The following INIP variants were observed in gnomAD, a reference collection of about 807,000 sequenced individuals.
The protein encoded by INIP is SOSS complex subunit C.
Under a neutral mutation model 14.0 loss-of-function variants are expected in INIP, and 9 were observed. The ratio of observed to expected loss-of-function variants is 0.64; its 90% CI spans 0.39 to 1.12. The LOEUF (loss-of-function observed/expected upper bound fraction) is 1.12. Among genes scored for constraint, INIP ranks in the 50% most tolerant of loss-of-function variants. The pLI is 0.01. For missense variants in INIP, 78 were observed against 122.7 expected (o/e 0.64, Z 1.72); for synonymous variants, 37 against 41.5 (o/e 0.89, Z 0.41).
rs1231484464 is a variant in INIP, at chr9:112,687,608, T to C, written c.245A>G (p.Tyr82Cys). The C allele has an allele frequency of 6.3e-7, 1 of 1,593,026 alleles. No individual in the cohort carries two copies. The highest frequency in any genetic ancestry group is 8.6e-7 in the Non-Finnish European group (1 of 1,164,284). ...AAATGCAGAGTCTTGAGTGATGAAGTATCCAGATGAATGTGCATGAGCATG... is the reference window on the plus strand; with the variant it reads ...AAATGCAGAGTCTTGAGTGATGAAGCATCCAGATGAATGTGCATGAGCATG... ...LQHAHAHSSG[Y>C]FITQDSAFGN... The change falls in exon 5 of 5, where the codon TAC (tyrosine) becomes TGC (cysteine). Residue 82 changes from tyrosine to cysteine, a missense_variant. Tyr to Cys is a radical substitution (Grantham distance 194). Coordinates refer to ENST00000374242, the MANE Select transcript of INIP (RefSeq NM_021218.3).
In INIP at chr9:112,689,510, T is replaced by C. The variant is rs886941183; in HGVS notation, c.219+17A>G. On this transcript the variant is annotated intron_variant, in intron 4 of 4. Transcript: ENST00000374242. ...GGAAACCTCCACCGAGGCAAGAATG[T>C]CAGTTACACTGCTCACCTGCAAAGC... 1.2e-6 allele frequency: 2 copies of C among 1,607,222 alleles called. No homozygotes were observed. The highest frequency in any genetic ancestry group is 1.7e-6 in the Non-Finnish European group (2 of 1,174,190).
intron 2 of INIP, among the ~76,000 whole-genome samples, chr9:112,705,110 CAAA>C (rs1194911436): frequency 3.1e-3 from 143 of 46,010 alleles, no homozygotes; most frequent in African/African-American, 0.012. Context: ...GACCCTGTCT[CAAA>C]AAAAAAAAAA....
intron 2 of INIP, among the ~76,000 whole-genome samples, chr9:112,700,602 A>T (rs1407729087): frequency 6.7e-6 from 1 of 148,866 alleles, no homozygotes; most frequent in Non-Finnish European, 1.5e-5. Context: ...CATAACTACT[A>T]CAATTTTTAG....
At position 112,689,625 on chromosome 9, in the gene INIP, G is replaced by GGGAATCTTGGTTACTA; in HGVS notation, c.129-9_129-8insTAGTAACCAAGATTCC. ...GGTCTCGAGAGTGCAATGCTAAAAT[G>GGGAATCTTGGTTACTA]GGAATCTTGGTTACTCAGCTGCTTA... On this transcript the variant is annotated splice_polypyrimidine_tract_variant and intron_variant, in intron 3 of 4. Transcript: ENST00000374242. 6.2e-7 allele frequency: 1 copy of GGGAATCTTGGTTACTA among 1,608,746 alleles called. No individual in the cohort carries two copies. The highest frequency in any genetic ancestry group is 8.5e-7 in the Non-Finnish European group (1 of 1,175,162).
chr9:112,716,332 G>T (rs1376574959), intron 2 of INIP, 129 bp downstream of exon 2: 3 of 799,398 alleles, frequency 3.8e-6, no homozygotes, highest in Admixed American at 1.9e-5. Context: ...GTGAGCCACC[G>T]CTCCCGGCCT....
intron 3 of INIP, among the ~76,000 whole-genome samples, chr9:112,692,449 AATTTTTTGT>A (rs1837923315): frequency 6.6e-6 from 1 of 151,938 alleles, no homozygotes; most frequent in African/African-American, 2.4e-5. Context: ...ATGGCTAGCT[AATTTTTTGT>A]ATTTTTTGTA....
intron 2 of INIP, among the ~76,000 whole-genome samples, chr9:112,698,245 A>G (rs1588078736): frequency 7.1e-6 from 1 of 141,520 alleles, no homozygotes; most frequent in East Asian, 2.3e-4. Flanking sequence ...CGGAGGTTGC[A>G]GTGAGCCAAG....
chr9:112,700,523 TA>T (rs1389321544), intron 2 of INIP, among the ~76,000 whole-genome samples: 2 of 137,984 alleles, frequency 1.4e-5, no homozygotes, highest in African/African-American at 5.9e-5. Context: ...TAGGTATATA[TA>T]ATATATATAT....
rs149464188 is a variant in INIP, at chr9:112,701,042, C to T, written c.26-6809G>A. Among the ~76,000 whole-genome samples, 373 of 152,294 alleles carry T rather than the reference C, an allele frequency of 2.4e-3. 1 individual carries two copies. The highest frequency in any genetic ancestry group is 8.7e-3 in the African/African-American group (361 of 41,564). ...TTAATATGGTTATAAAAGCAGCCCA[C>T]TGGCCAGGAACGGTGGCTCATGCCT... On this transcript the variant is annotated intron_variant, in intron 2 of 4. Coordinates refer to ENST00000374242, the MANE Select transcript of INIP (RefSeq NM_021218.3).
chr9:112,697,878 T>C (rs552148638), intron 2 of INIP, among the ~76,000 whole-genome samples: 1 of 152,236 alleles, frequency 6.6e-6, no homozygotes, highest in African/African-American at 2.4e-5. Context: ...CAATGAAAAA[T>C]ACCTCCCAGT....
intron 2 of INIP, among the ~76,000 whole-genome samples, chr9:112,699,128 G>A (rs1218805003): frequency 6.6e-6 from 1 of 151,852 alleles, no homozygotes; most frequent in Non-Finnish European, 1.5e-5. Context: ...GATCAGCCTG[G>A]GCAACATAGC....
intron 2 of INIP, among the ~76,000 whole-genome samples, chr9:112,698,516 A>G (rs1490969788): frequency 6.6e-6 from 1 of 152,136 alleles, no homozygotes; most frequent in East Asian, 1.9e-4. Flanking sequence ...AACTTTGTCA[A>G]AATAATGTTA....
At chr9:112,701,347 G>T (rs1258865862) in intron 2 of INIP, among the ~76,000 whole-genome samples, 1 of 152,134 alleles carries the variant, frequency 6.6e-6, no homozygotes, top group Non-Finnish European at 1.5e-5. Context: ...GGAGAGTTAT[G>T]TTGTTCTCAT....
chr9:112,702,551 G>A (rs80333682), intron 2 of INIP, among the ~76,000 whole-genome samples: 2,815 of 152,058 alleles, frequency 0.019, 94 homozygotes, highest in African/African-American at 0.062. Flanking sequence ...TCCAAGTAAT[G>A]TAAGAATTTT....
intron 4 of INIP, among the ~76,000 whole-genome samples, chr9:112,688,779 G>A (rs1370812355): frequency 6.6e-6 from 1 of 152,076 alleles, no homozygotes; most frequent in East Asian, 1.9e-4. Flanking sequence ...GGAGTTCGAG[G>A]TTACAGTAAG....
chr9:112,691,230 T>TC (rs1414050886), intron 3 of INIP, among the ~76,000 whole-genome samples: 3 of 152,204 alleles, frequency 2.0e-5, no homozygotes, highest in African/African-American at 7.2e-5. Context: ...TTTCAAAGTA[T>TC]AATCACAAGA....
chr9:112,713,373 C>T (rs575986392), intron 2 of INIP, among the ~76,000 whole-genome samples: 8 of 152,238 alleles, frequency 5.3e-5, no homozygotes, highest in Admixed American at 1.3e-4. Flanking sequence ...GAGCTCTCTT[C>T]AGAAGCGCAT....
At chr9:112,714,545 T>G (rs1838746372) in intron 2 of INIP, among the ~76,000 whole-genome samples, 1 of 152,154 alleles carries the variant, frequency 6.6e-6, no homozygotes, top group Non-Finnish European at 1.5e-5. Flanking sequence ...TGTACAAAAG[T>G]TTTTACAGCA....
chr9:112,687,469 G>T lies in INIP; in HGVS notation c.*69C>A. Reference sequence around the variant, plus strand: ...CAAAATTCTTAAAGTCACAGTTCATGTAGCACTGAATGATAGTAGCTTTGG... The same window carrying T: ...CAAAATTCTTAAAGTCACAGTTCATTTAGCACTGAATGATAGTAGCTTTGG... On this transcript the variant is annotated 3_prime_UTR_variant, in exon 5 of 5. Coordinates refer to ENST00000374242, the MANE Select transcript of INIP (RefSeq NM_021218.3). 1.0e-6 allele frequency: 1 copy of T among 955,556 alleles called. No individual in the cohort carries two copies. Among genetic ancestry groups the T allele is most frequent in the Non-Finnish European group, 1.7e-6 (1 of 588,800 alleles). The allele number at this position is 955,556 out of a possible 1,614,324, so 59.2% of individuals were successfully genotyped here.
Sources: allele counts gnomAD v4.1 joint callset (sites outside exome capture counted in the v4.1 genomes callset), GRCh38; gene constraint gnomAD v4.1.1; transcripts MANE v1.5; gene names NCBI Gene and HGNC (gene_info 2026-07-23, HGNC 2026-07-21).